SYNDIG1L: variants seen among roughly 807,000 people sequenced by gnomAD.
SYNDIG1L encodes synapse differentiation-inducing gene protein 1-like.
A neutral mutation model predicts 20.1 loss-of-function variants in SYNDIG1L; 13 were observed. That is an observed-to-expected ratio of 0.65 (90% CI 0.42 to 1.03). SYNDIG1L has a LOEUF of 1.03. Among genes scored for constraint, SYNDIG1L ranks in the 50% least tolerant of loss-of-function variants. The pLI is 0.00. For missense variants in SYNDIG1L, 294 were observed against 305.1 expected, an observed-to-expected ratio of 0.96 and a Z score of 0.27; for synonymous variants, 128 against 129.3, an observed-to-expected ratio of 0.99 and a Z score of 0.07.
chr14:74,451,032 A>G, the SYNDIG1L span, among the ~76,000 whole-genome samples: 1 of 152,174 alleles, frequency 6.6e-6, no homozygotes, highest in African/African-American at 2.4e-5. Context: ...TTGTAATTCC[A>G]CTGAAAACTC....
At chr14:74,453,086 C>T in the SYNDIG1L span, among the ~76,000 whole-genome samples, 1 of 152,054 alleles carries the variant, frequency 6.6e-6, no homozygotes, top group Non-Finnish European at 1.5e-5. Context: ...GTGGCTCACA[C>T]CTGTAATCCC....
At chr14:74,442,213 T>G in the SYNDIG1L span, among the ~76,000 whole-genome samples, 4 of 152,248 alleles carry the variant, frequency 2.6e-5, no homozygotes, top group South Asian at 8.3e-4. Flanking sequence ...TGAGAAAAAC[T>G]AAATGAAACT....
chr14:74,451,712 C>T, the SYNDIG1L span, among the ~76,000 whole-genome samples: 3 of 152,128 alleles, frequency 2.0e-5, no homozygotes, highest in Non-Finnish European at 4.4e-5. Context: ...CTTCTGTAGG[C>T]CGGGTACGGT....
At chr14:74,427,118 C>CTTTTTTTTTTTTT, upstream of SYNDIG1L, among the ~76,000 whole-genome samples, 1 of 116,808 alleles carries the variant, frequency 8.6e-6, no homozygotes, top group Non-Finnish European at 1.7e-5. Context: ...CCTGCGTTTC[C>CTTTTTTTTTTTTT]TTTTTTTTTT....
At chr14:74,452,329 T>C in the SYNDIG1L span, among the ~76,000 whole-genome samples, 2 of 152,248 alleles carry the variant, frequency 1.3e-5, no homozygotes, top group African/African-American at 4.8e-5. Flanking sequence ...AAGTCTCATC[T>C]TGAATTGTAA....
the SYNDIG1L span, among the ~76,000 whole-genome samples, chr14:74,434,223 C>G: frequency 2.0e-5 from 3 of 152,232 alleles, no homozygotes; most frequent in Non-Finnish European, 4.4e-5. Context: ...CATGCACTAC[C>G]TTAAAATTAT....
At chr14:74,409,047 A>ATTTT (rs927502502) in intron 2 of SYNDIG1L, among the ~76,000 whole-genome samples, 3 of 112,222 alleles carry the variant, frequency 2.7e-5, no homozygotes, top group South Asian at 2.8e-4. Flanking sequence ...GGGAACTTGC[A>ATTTT]TTTTATTTAT....
intron 1 of SYNDIG1L, among the ~76,000 whole-genome samples, chr14:74,419,562 G>A (rs2086205017): frequency 1.3e-5 from 2 of 152,212 alleles, no homozygotes; most frequent in Admixed American, 6.5e-5. Context: ...GCCAGTTATT[G>A]GGTTGCAAAA....
the SYNDIG1L span, among the ~76,000 whole-genome samples, chr14:74,432,473 G>A: frequency 1.3e-5 from 2 of 152,138 alleles, no homozygotes; most frequent in Admixed American, 6.5e-5. Flanking sequence ...GCTCTGTCAT[G>A]TCAATGAGAA....
intron 1 of SYNDIG1L, among the ~76,000 whole-genome samples, chr14:74,410,851 T>G (rs1406354967): frequency 2.0e-5 from 3 of 152,244 alleles, no homozygotes; most frequent in South Asian, 2.1e-4. Flanking sequence ...AAATTGGGAC[T>G]TTGAGAAGTT....
chr14:74,408,159 C>A (rs963257479), intron 2 of SYNDIG1L, among the ~76,000 whole-genome samples, 170 bp from the exon 3 acceptor site: 9 of 152,152 alleles, frequency 5.9e-5, no homozygotes, highest in Non-Finnish European at 8.8e-5. Flanking sequence ...CTACCAAAAG[C>A]CTTAACAATG....
chr14:74,429,601 C>T (rs185801635), upstream of SYNDIG1L, among the ~76,000 whole-genome samples: 20 of 152,334 alleles, frequency 1.3e-4, no homozygotes, highest in East Asian at 2.3e-3. Context: ...CCCTCTACCT[C>T]GGAGTTGAGC....
Position 74,407,878 on chromosome 14 carries a change from C to A in SYNDIG1L, c.529G>T (p.Gly177Cys), listed in dbSNP as rs368046858. The A allele has an allele frequency of 1.9e-6, 3 of 1,613,726 alleles. No individual in the cohort carries two copies. The highest frequency in any genetic ancestry group is 2.5e-6 in the Non-Finnish European group (3 of 1,179,800). ...FSMLCCFWPL[G>C]IAAFYFSQGT... is the part of the protein sequence containing the mutation. The stretch of plus-strand genomic sequence containing the variant: ...TGGGAGAAGTAGAAGGCAGCAATGC[C>A]CAGTGGCCAGAAGCAGCAGAGCATG... Residue 177 changes from glycine to cysteine, a missense_variant, in exon 3 of 4, where the codon GGC becomes TGC. By Grantham distance (159) the Gly-to-Cys change is radical. Coordinates refer to ENST00000331628, the MANE Select transcript of SYNDIG1L (RefSeq NM_001105579.2).
At position 74,409,321 on chromosome 14, in the gene SYNDIG1L, C is replaced by T; in HGVS notation, c.417+7G>A. ...CTGGAATCTGCATTTTAACCTCATG[C>T]ACTCACCTCCTCTTCCTCCTGGTCA... On this transcript the variant is annotated splice_region_variant and intron_variant, in intron 2 of 3. Coordinates refer to ENST00000331628, the MANE Select transcript of SYNDIG1L (RefSeq NM_001105579.2). 2 of 1,515,374 alleles carry T rather than the reference C, an allele frequency of 1.3e-6. No homozygotes were observed. Among genetic ancestry groups the T allele is most frequent in the Non-Finnish European group, 1.8e-6 (2 of 1,127,746 alleles). The allele number at this position is 1,515,374 out of a possible 1,614,324, so 93.9% of individuals were successfully genotyped here.
the SYNDIG1L span, among the ~76,000 whole-genome samples, chr14:74,432,139 A>AGG: frequency 1.1e-4 from 7 of 63,248 alleles, no homozygotes; most frequent in Admixed American, 5.8e-4. Flanking sequence ...ATGCCTTGGA[A>AGG]GGTGTGTGTG....
Position 74,409,522 on chromosome 14 carries a change from C to A in SYNDIG1L, c.223G>T (p.Gly75Trp). 6.3e-7 allele frequency: 1 copy of A among 1,597,776 alleles called. No homozygotes were observed. The highest frequency in any genetic ancestry group is 1.1e-5 in the South Asian group (1 of 88,884). Residue 75 changes from glycine (G) to tryptophan (W), a missense_variant, in exon 2 of 4, where the codon GGG becomes TGG. Gly to Trp is a radical substitution (Grantham distance 184). Coordinates refer to ENST00000331628, the MANE Select transcript of SYNDIG1L (RefSeq NM_001105579.2). The part of the protein sequence containing the change: ...EAWYRPSCLL[G>W]RDKVKEPRAG... ...CTGGGCTCCTTGACCTTGTCTCTCCCCAGGAGGCAGCTGGGCCGGTACCAG... is the reference window on the plus strand; with the variant it reads ...CTGGGCTCCTTGACCTTGTCTCTCCACAGGAGGCAGCTGGGCCGGTACCAG...
rs1015027019 is a variant in SYNDIG1L, at chr14:74,406,921, A to G, written c.*614T>C. 6.5e-6 allele frequency: 1 copy of G among 152,894 alleles called. No homozygotes were observed. Among genetic ancestry groups the G allele is most frequent in the Non-Finnish European group, 1.5e-5 (1 of 68,566 alleles). The allele number at this position is 152,894 out of a possible 1,614,324, so 9.5% of individuals were successfully genotyped here. On this transcript the variant is annotated 3_prime_UTR_variant, in exon 4 of 4. Transcript: ENST00000331628. ...ATACCGAGGCTCCTCTTCCCTATCT[A>G]GAATCTACAGTGCCTCACAAGCCCA... is the stretch of plus-strand genomic sequence containing the variant.
the SYNDIG1L span, among the ~76,000 whole-genome samples, chr14:74,457,344 C>T: frequency 2.6e-5 from 4 of 152,054 alleles, no homozygotes; most frequent in Non-Finnish European, 5.9e-5. Flanking sequence ...CCCTAGCAGG[C>T]GCCCTCTCCC....
the SYNDIG1L span, among the ~76,000 whole-genome samples, chr14:74,437,854 T>A: frequency 6.6e-6 from 1 of 152,192 alleles, no homozygotes; most frequent in African/African-American, 2.4e-5. Context: ...TGTTTTGCTA[T>A]CCATGGTGCT....
Sources: allele counts gnomAD v4.1 joint callset (sites outside exome capture counted in the v4.1 genomes callset), GRCh38; gene constraint gnomAD v4.1.1; transcripts MANE v1.5; gene names NCBI Gene and HGNC (gene_info 2026-07-23, HGNC 2026-07-21).